The following MMP26 variants were observed in gnomAD, a reference collection of about 807,000 sequenced individuals.
MMP26 encodes the protein matrix metallopeptidase 26, also known as matrix metalloproteinase-26.
Under a neutral mutation model 31.0 loss-of-function variants are expected in MMP26, and 33 were observed. The ratio of observed to expected loss-of-function variants is 1.06; its 90% CI spans 0.81 to 1.42. The LOEUF (loss-of-function observed/expected upper bound fraction) is 1.42, where lower values mean the gene tolerates loss of function less well. Among genes scored for constraint, MMP26 ranks in the 40% most tolerant of loss-of-function variants. The probability of loss-of-function intolerance (pLI) is 0.00; values close to 1 mark genes in which losing one functional copy is unlikely to be tolerated. For missense variants in MMP26, 347 were observed against 316.1 expected, an observed-to-expected ratio of 1.10 and a Z score of -0.74; for synonymous variants, 122 against 114.9, an observed-to-expected ratio of 1.06 and a Z score of -0.40.
chr11:4,769,214 T>C (rs1228020840), intron 2 of MMP26: 4 of 1,613,802 alleles, frequency 2.5e-6, no homozygotes, highest in Admixed American at 1.7e-5. Context: ...CTTGTGCCAT[T>C]CTTCAGGGGA....
chr11:4,762,110 C>A (rs549898929), intron 1 of MMP26, among the ~76,000 whole-genome samples: 7 of 152,284 alleles, frequency 4.6e-5, no homozygotes, highest in African/African-American at 1.7e-4. Context: ...CAAGCTAAAG[C>A]AAACCAATAT....
intron 2 of MMP26, chr11:4,848,895 C>A: frequency 6.2e-7 from 1 of 1,614,106 alleles, no homozygotes; most frequent in Non-Finnish European, 8.5e-7. Flanking sequence ...CTGTAGAAGG[C>A]AGGCTGAGGC....
At chr11:4,804,111 A>T in intron 2 of MMP26, 2 of 1,614,150 alleles carry the variant, frequency 1.2e-6, no homozygotes, top group Non-Finnish European at 1.7e-6. Flanking sequence ...CATGAGCATG[A>T]AACCAGAATA....
chr11:4,835,600 T>C (rs966291414), intron 2 of MMP26, among the ~76,000 whole-genome samples: 1 of 152,144 alleles, frequency 6.6e-6, no homozygotes, highest in Non-Finnish European at 1.5e-5. Context: ...ATTGAGGCTC[T>C]GCTGTGAAAG....
At chr11:4,927,449 C>T (rs547637198) in intron 2 of MMP26, among the ~76,000 whole-genome samples, 3 of 152,210 alleles carry the variant, frequency 2.0e-5, no homozygotes, top group South Asian at 2.1e-4. Context: ...AATGACAAAG[C>T]TAGGACTAGA....
chr11:4,785,875 G>A (rs897694125), intron 2 of MMP26, among the ~76,000 whole-genome samples: 3 of 152,154 alleles, frequency 2.0e-5, no homozygotes, highest in African/African-American at 7.2e-5. Context: ...GATCTGTTCA[G>A]GGACATGTCT....
At chr11:4,759,383 T>C (rs1010542985) in intron 1 of MMP26, among the ~76,000 whole-genome samples, 7 of 152,156 alleles carry the variant, frequency 4.6e-5, no homozygotes, top group African/African-American at 1.7e-4. Flanking sequence ...CAATCAACAA[T>C]TTAATTTCTC....
intron 2 of MMP26, among the ~76,000 whole-genome samples, chr11:4,865,891 G>C (rs1850227543): frequency 6.6e-6 from 1 of 152,150 alleles, no homozygotes; most frequent in African/African-American, 2.4e-5. Flanking sequence ...TATTGTTACA[G>C]AAGGGTTCTC....
At chr11:4,844,525 C>G (rs1409687286) in intron 2 of MMP26, among the ~76,000 whole-genome samples, 1 of 152,098 alleles carries the variant, frequency 6.6e-6, no homozygotes, top group African/African-American at 2.4e-5. Flanking sequence ...AAAATACTAG[C>G]AAGCTGAATT....
At chr11:4,934,474 A>C (rs1266642520) in intron 2 of MMP26, among the ~76,000 whole-genome samples, 4 of 120,112 alleles carry the variant, frequency 3.3e-5, no homozygotes, top group Non-Finnish European at 6.9e-5. Flanking sequence ...TCTGGATATT[A>C]GCCCTTTGTC....
At chr11:4,859,527 T>G (rs949553837) in intron 2 of MMP26, 11 of 361,632 alleles carry the variant, frequency 3.0e-5, no homozygotes, top group Non-Finnish European at 4.4e-5. Context: ...GTGCAAAATT[T>G]GATGCACCAT....
chr11:4,927,546 A>G (rs145509653), intron 2 of MMP26, among the ~76,000 whole-genome samples: 1 of 152,104 alleles, frequency 6.6e-6, no homozygotes, highest in Non-Finnish European at 1.5e-5. Flanking sequence ...TAAGACTGAG[A>G]GCTCAGTGTG....
chr11:4,802,465 G>T (rs1309996479), intron 2 of MMP26, among the ~76,000 whole-genome samples: 1 of 152,074 alleles, frequency 6.6e-6, no homozygotes, highest in Non-Finnish European at 1.5e-5. Flanking sequence ...ATTATGTAGG[G>T]TGATAAAAGA....
chr11:4,821,033 T>C (rs1849489431), intron 2 of MMP26, among the ~76,000 whole-genome samples: 1 of 152,180 alleles, frequency 6.6e-6, no homozygotes, highest in African/African-American at 2.4e-5. Flanking sequence ...CAGTGTTTTA[T>C]TCCAGAATCA....
intron 2 of MMP26, among the ~76,000 whole-genome samples, chr11:4,896,862 G>A (rs948536091): frequency 2.6e-5 from 4 of 151,944 alleles, no homozygotes; most frequent in Admixed American, 6.6e-5. Context: ...TACTTGCTTT[G>A]TTGTGTCTTT....
At chr11:4,735,950 T>G (rs900329103) in intron 1 of MMP26, among the ~76,000 whole-genome samples, 2 of 152,196 alleles carry the variant, frequency 1.3e-5, no homozygotes, top group African/African-American at 4.8e-5. Flanking sequence ...TTCATAATAT[T>G]AAGATATTTC....
chr11:4,802,624 A>G (rs1450119713), intron 2 of MMP26, among the ~76,000 whole-genome samples: 5 of 152,198 alleles, frequency 3.3e-5, no homozygotes, highest in Non-Finnish European at 7.4e-5. Flanking sequence ...TTTTATCAAT[A>G]AAAACATAAT....
intron 2 of MMP26, among the ~76,000 whole-genome samples, chr11:4,956,650 T>C (rs1846447899): frequency 6.6e-6 from 1 of 152,178 alleles, no homozygotes; most frequent in Non-Finnish European, 1.5e-5. Flanking sequence ...TGGGACACAA[T>C]GTGTTATCCT....
At position 4,784,508 on chromosome 11, in the gene MMP26, A is replaced by G. The variant is rs73399057; in HGVS notation, c.-145+17167A>G. 4.5e-3 allele frequency among the ~76,000 whole-genome samples: 682 copies of G among 152,342 alleles called. 4 individuals carry two copies. Among genetic ancestry groups the G allele is most frequent in the African/African-American group, 0.015 (612 of 41,578 alleles). On this transcript the variant is annotated intron_variant, in intron 2 of 7. Coordinates refer to ENST00000380390, the MANE Select transcript of MMP26 (RefSeq NM_021801.5). ...ATGAACCAGGTGAGTCCTAAATCCA[A>G]TGACGATTGTCCTTTTAAGAGACAG... is the stretch of plus-strand genomic sequence containing the variant.
Sources: allele counts gnomAD v4.1 joint callset (sites outside exome capture counted in the v4.1 genomes callset), GRCh38; gene constraint gnomAD v4.1.1; transcripts MANE v1.5; gene names NCBI Gene and HGNC (gene_info 2026-07-23, HGNC 2026-07-21).